Variants in STRA6 observed in about 807,000 individuals in gnomAD.
STRA6 encodes the protein receptor for retinol uptake STRA6.
In STRA6, 48 loss-of-function variants were observed where a neutral mutation model predicts 83.6. The ratio of observed to expected loss-of-function variants is 0.57; its 90% CI spans 0.46 to 0.73. STRA6 has a LOEUF of 0.73. STRA6 is among the 30% of genes least tolerant of loss of function. The probability of loss-of-function intolerance (pLI) is 0.00; values close to 1 mark genes in which losing one functional copy is unlikely to be tolerated. For synonymous variants in STRA6, 353 were observed against 362.3 expected (o/e 0.97, Z 0.29); for missense variants, 760 against 838.8 (o/e 0.91, Z 1.16).
intron 1 of STRA6, 115 bp downstream of exon 1, chr15:74,202,598 C>A: frequency 6.9e-7 from 1 of 1,458,258 alleles, no homozygotes; most frequent in South Asian, 1.4e-5. Context: ...CAACCACCAG[C>A]AGGCGTGTGT....
chr15:74,193,789 T>C lies in STRA6; in HGVS notation c.720+11A>G, dbSNP rs199692066. The C allele has an allele frequency of 2.5e-6, 4 of 1,613,190 alleles. No homozygotes were observed. The highest frequency in any genetic ancestry group is 1.3e-5 in the African/African-American group (1 of 75,010). On this transcript the variant is annotated intron_variant, in intron 8 of 18. Transcript: ENST00000395105. ...GCTGAGGAAGAGCTCATCCCAGGCC[T>C]GCCCCTTTACCTTGGAGCCTGCTCC... is the stretch of plus-strand genomic sequence containing the variant.
In STRA6 at chr15:74,181,594, C is replaced by T. The variant is rs182445670; in HGVS notation, c.1521-136G>A. On this transcript the variant is annotated intron_variant, in intron 16 of 18. Transcript: ENST00000395105. ...TTTATTGCTATGTCTTCTGTGCACC[C>T]CACCCTGGGCAAGGCCTTCTCTCTT... 15 of 1,228,260 alleles carry T rather than the reference C, an allele frequency of 1.2e-5. 1 individual carries two copies. The highest frequency in any genetic ancestry group is 6.1e-5 in the Admixed American group (3 of 49,266). The allele number at this position is 1,228,260 out of a possible 1,614,324, so 76.1% of individuals were successfully genotyped here.
At chr15:74,202,935 C>G (rs767053308), upstream of STRA6, 773 of 987,558 alleles carry the variant, frequency 7.8e-4, 1 homozygote, top group Non-Finnish European at 9.1e-4. Flanking sequence ...GCACCATTGG[C>G]GGCCTGAGCC....
At chr15:74,201,647 G>T (rs1193219467) in intron 2 of STRA6, among the ~76,000 whole-genome samples, 1 of 151,962 alleles carries the variant, frequency 6.6e-6, no homozygotes, top group Non-Finnish European at 1.5e-5. Flanking sequence ...AGACAACAAG[G>T]GTGCTTGTTT....
chr15:74,209,129 C>G (rs952318036), upstream of STRA6: 14 of 1,311,172 alleles, frequency 1.1e-5, no homozygotes, highest in Non-Finnish European at 1.4e-5. Context: ...TCAGAGGAAC[C>G]CACCCCACCC....
upstream of STRA6, chr15:74,209,425 C>G: frequency 6.5e-7 from 1 of 1,535,636 alleles, no homozygotes; most frequent in Middle Eastern, 1.7e-4. Flanking sequence ...GGGGAACCAC[C>G]AGCTCGGCTC....
intron 1 of STRA6, 38 bp from the exon 2 acceptor site, chr15:74,202,320 G>A: frequency 2.5e-6 from 4 of 1,581,878 alleles, no homozygotes; most frequent in Middle Eastern, 1.7e-4. Flanking sequence ...AGCCACTACA[G>A]ATGTGAAAAG....
rs1595854024 is a variant in STRA6, at chr15:74,196,099, A to G, written c.315T>C (p.Ala105=). Residue 105 remains alanine (A), a synonymous_variant, in exon 5 of 19, where the codon GCT becomes GCC. Transcript: ENST00000395105. ...AGDRPRAVPA[A]VFMVLLSSLC... ...GGGAGCTCAGGAGGACCATGAAAAC[A>G]GCAGCAGGCACTGCCCGGGGCCTGT... is the stretch of plus-strand genomic sequence containing the variant. 1 of 1,614,046 alleles carries G rather than the reference A, an allele frequency of 6.2e-7. No homozygotes were observed. The highest frequency in any genetic ancestry group is 8.5e-7 in the Non-Finnish European group (1 of 1,180,010).
upstream of STRA6, among the ~76,000 whole-genome samples, chr15:74,211,152 C>T (rs960789267): frequency 2.7e-4 from 6 of 22,530 alleles, no homozygotes; most frequent in South Asian, 4.9e-3. Flanking sequence ...CGCACGCACA[C>T]GCACACACAC....
chr15:74,204,238 G>T (rs1283358125), upstream of STRA6, among the ~76,000 whole-genome samples: 3 of 152,232 alleles, frequency 2.0e-5, no homozygotes, highest in South Asian at 2.1e-4. Flanking sequence ...TTCCAGGCGC[G>T]AGTGTGAGCT....
upstream of STRA6, chr15:74,209,219 C>G (rs2074329810): frequency 9.3e-7 from 1 of 1,077,434 alleles, no homozygotes; most frequent in Non-Finnish European, 1.3e-6. Flanking sequence ...GGTATAGCCT[C>G]TCCACACCCC....
rs758223574 is a variant in STRA6, at chr15:74,191,170, G to A, written c.862C>T (p.Pro288Ser). The A allele has an allele frequency of 6.2e-7, 1 of 1,614,030 alleles. No homozygotes were observed. Among genetic ancestry groups the A allele is most frequent in the Non-Finnish European group, 8.5e-7 (1 of 1,179,992 alleles). ...CLRHCIYTPQ[P>S]GFHLPLKLVL... The stretch of plus-strand genomic sequence containing the variant: ...GCCTCAGCTCCCAACCCCATACCTG[G>A]CTGTGGAGTGTAGATGCAGTGTCTC... The change falls in exon 10 of 19, where the codon CCA becomes TCA. Residue 288 changes from proline to serine, a missense_variant. Coordinates refer to ENST00000395105, the MANE Select transcript of STRA6 (RefSeq NM_022369.4).
intron 2 of STRA6, among the ~76,000 whole-genome samples, chr15:74,201,385 A>G (rs2074055399): frequency 6.6e-6 from 1 of 152,148 alleles, no homozygotes; most frequent in African/African-American, 2.4e-5. Flanking sequence ...TGGGAACAAC[A>G]GGGGAGAACT....
Position 74,182,191 on chromosome 15 carries a change from G to A in STRA6, c.1490C>T (p.Thr497Ile), listed in dbSNP as rs1404729423. ...GGTCAGCTGTGGGTGTCCATCATGA[G>A]TCTCCAGGAAGACCCAATGGGCTGC... is the stretch of plus-strand genomic sequence containing the variant. Reference protein sequence around the residue: ...NMAAHWVFLETHDGHPQLTNR... With the variant: ...NMAAHWVFLEIHDGHPQLTNR... The change falls in exon 16 of 19, where the codon ACT (threonine) becomes ATT (isoleucine). Residue 497 changes from threonine to isoleucine, a missense_variant. Physicochemically the swap from Thr to Ile is moderately conservative, Grantham distance 89. Transcript: ENST00000395105. The A allele has an allele frequency of 1.2e-6, 2 of 1,614,172 alleles. No homozygotes were observed. Among genetic ancestry groups the A allele is most frequent in the African/African-American group, 1.3e-5 (1 of 75,048 alleles).
chr15:74,189,005 G>A (rs977213070), intron 12 of STRA6, 110 bp downstream of exon 12: 19 of 1,319,496 alleles, frequency 1.4e-5, no homozygotes, highest in Non-Finnish European at 1.9e-5. Context: ...AGAGAGGAAG[G>A]AATGTGTCCA....
At chr15:74,184,214 C>G (rs1413112232) in intron 13 of STRA6, among the ~76,000 whole-genome samples, 1 of 152,198 alleles carries the variant, frequency 6.6e-6, no homozygotes, top group Admixed American at 6.5e-5. Flanking sequence ...CAAAACGAGG[C>G]AGAAGGCTCA....
chr15:74,196,837 G>A (rs191505302), intron 4 of STRA6, among the ~76,000 whole-genome samples: 2 of 152,320 alleles, frequency 1.3e-5, no homozygotes, highest in Admixed American at 1.3e-4. Context: ...TCGCACACTA[G>A]CTTGCCCAGC....
chr15:74,180,443 C>T (rs2072919256), intron 18 of STRA6, among the ~76,000 whole-genome samples, 200 bp from the exon 19 acceptor site: 2 of 152,140 alleles, frequency 1.3e-5, no homozygotes, highest in African/African-American at 4.8e-5. Flanking sequence ...GGGTCTGGAG[C>T]TGGCTTAGTG....
intron 16 of STRA6, 73 bp downstream of exon 16, chr15:74,182,088 G>A (rs1280937335): frequency 3.1e-6 from 4 of 1,282,218 alleles, no homozygotes; most frequent in Non-Finnish European, 4.5e-6. Flanking sequence ...AGTGGAGGGA[G>A]GACACAAAAA....
Sources: gnomAD v4.1 joint callset for allele counts (sites outside exome capture counted in the v4.1 genomes callset) on GRCh38, gnomAD v4.1.1 for gene constraint, MANE v1.5 for transcripts, NCBI Gene and HGNC (gene_info 2026-07-23, HGNC 2026-07-21) for gene names.